ADGRL2: variants seen among roughly 807,000 people sequenced by gnomAD.
ADGRL2 encodes adhesion G protein-coupled receptor L2.
ADGRL2 carries 44 observed loss-of-function variants against 157.4 expected under a neutral mutation model. The observed-to-expected ratio is 0.28, with a 90% confidence interval of 0.22 to 0.36. ADGRL2 has a LOEUF of 0.36. Among genes scored for constraint, ADGRL2 ranks in the 10% least tolerant of loss-of-function variants. The pLI is 1.00. For synonymous variants in ADGRL2, 585 were observed against 624.7 expected (o/e 0.94, Z 0.95); for missense variants, 1,510 against 1,768.9 (o/e 0.85, Z 2.63).
At chr1:81,557,674 A>C (rs777028321) in intron 2 of ADGRL2, 2 of 152,350 alleles carry the variant, frequency 1.3e-5, no homozygotes. Flanking sequence ...CGGAGAAGTT[A>C]AGCATGCATC....
chr1:81,655,143 C>T (rs964013520), intron 3 of ADGRL2, among the ~76,000 whole-genome samples: 3 of 152,088 alleles, frequency 2.0e-5, no homozygotes, highest in East Asian at 1.9e-4. Context: ...GGACTACGGG[C>T]GCATGCCACC....
At position 81,462,297 on chromosome 1, in the gene ADGRL2, A is replaced by T. The variant is rs142793963; in HGVS notation, c.-248+17208A>T. ...CTGGCCACCCCAGCATGCAGCAGCAACCTGCTCTGCTGCCCTTCTATGTTG... is the reference window on the plus strand; with the variant it reads ...CTGGCCACCCCAGCATGCAGCAGCATCCTGCTCTGCTGCCCTTCTATGTTG... On this transcript the variant is annotated intron_variant, in intron 2 of 24. Coordinates refer to the ADGRL2 transcript ENST00000370721. Among the ~76,000 whole-genome samples the T allele has an allele frequency of 9.2e-5, 14 of 152,316 alleles. No homozygotes were observed. The East Asian group carries it at 2.7e-3, about 29-fold the overall frequency.
intron 1 of ADGRL2, among the ~76,000 whole-genome samples, chr1:81,371,687 C>T (rs557619689): frequency 3.9e-4 from 60 of 152,154 alleles, no homozygotes; most frequent in African/African-American, 1.4e-3. Flanking sequence ...TAATTGTTTA[C>T]TGGGAAATAC....
At chr1:81,371,836 C>T (rs1324820928) in intron 1 of ADGRL2, among the ~76,000 whole-genome samples, 2 of 151,864 alleles carry the variant, frequency 1.3e-5, no homozygotes, top group Non-Finnish European at 2.9e-5. Flanking sequence ...CAAATCATGT[C>T]GAGTATTATG....
In ADGRL2 at chr1:81,900,203, A is replaced by G. The variant is rs12068985; in HGVS notation, c.74-6814A>G. ...CTTAGAGGGACTTCTGAGGGTGGCA[A>G]ATTCCCTCTAAAACAAGTGTAAAAT... On this transcript the variant is annotated intron_variant, in intron 2 of 23. Coordinates refer to ENST00000686636, the MANE Select transcript of ADGRL2 (RefSeq NM_001366006.2). Among the ~76,000 whole-genome samples, 850 of 152,250 alleles carry G rather than the reference A, an allele frequency of 5.6e-3. 7 individuals are homozygous for G. The highest frequency in any genetic ancestry group is 0.019 in the African/African-American group (783 of 41,552).
At chr1:81,638,660 A>G (rs1160139328) in intron 3 of ADGRL2, among the ~76,000 whole-genome samples, 2 of 152,166 alleles carry the variant, frequency 1.3e-5, no homozygotes, top group African/African-American at 2.4e-5. Flanking sequence ...CAGCCACTGG[A>G]AAAAAACTTT....
intron 2 of ADGRL2, chr1:81,514,569 T>C (rs1290939190): frequency 6.6e-6 from 1 of 152,220 alleles, no homozygotes; most frequent in Non-Finnish European, 1.5e-5. Flanking sequence ...GCGCAGATTT[T>C]CCTTCCAAAC....
intron 2 of ADGRL2, among the ~76,000 whole-genome samples, chr1:81,763,046 T>TAA (rs748864220): frequency 0.15 from 11,143 of 73,442 alleles, 791 homozygotes; most frequent in East Asian, 0.21. Flanking sequence ...AGACTCCGTC[T>TAA]AAAAAAAAAA....
At chr1:81,480,187 G>T (rs567218475) in intron 2 of ADGRL2, among the ~76,000 whole-genome samples, 1 of 152,072 alleles carries the variant, frequency 6.6e-6, no homozygotes, top group Non-Finnish European at 1.5e-5. Flanking sequence ...TTAGGCATTC[G>T]TTTCCAGCAT....
At chr1:81,576,628 C>A (rs537690660) in intron 2 of ADGRL2, among the ~76,000 whole-genome samples, 1 of 152,026 alleles carries the variant, frequency 6.6e-6, no homozygotes, top group East Asian at 1.9e-4. Flanking sequence ...ATGTTTAGTT[C>A]GGCGCACCCA....
chr1:81,845,639 C>T (rs2092758510), intron 2 of ADGRL2, among the ~76,000 whole-genome samples: 1 of 150,878 alleles, frequency 6.6e-6, no homozygotes, highest in South Asian at 2.1e-4. Flanking sequence ...TTTTTGTACA[C>T]TGCTTTTGCC....
chr1:81,674,480 C>T lies in ADGRL2; in HGVS notation c.-142-87331C>T, dbSNP rs139362040. Among the ~76,000 whole-genome samples the T allele has an allele frequency of 2.4e-4, 37 of 152,324 alleles. No individual in the cohort carries two copies. In the East Asian group the frequency reaches 4.8e-3, roughly 20 times the overall value. ...CCATCAGCTAGTCAGGCATGTGCAC[C>T]GGTGCGCCCCCATGTCTTTTAACCA... On this transcript the variant is annotated intron_variant, in intron 3 of 24. Coordinates refer to the ADGRL2 transcript ENST00000370721.
intron 2 of ADGRL2, among the ~76,000 whole-genome samples, chr1:81,784,837 A>C (rs80112545): frequency 0.011 from 1,720 of 152,220 alleles, 32 homozygotes; most frequent in African/African-American, 0.038. Context: ...AATAGTAAAA[A>C]TGTTTCATTT....
intron 1 of ADGRL2, among the ~76,000 whole-genome samples, chr1:81,737,187 G>T (rs1473731441): frequency 6.6e-6 from 1 of 152,114 alleles, no homozygotes; most frequent in East Asian, 1.9e-4. Flanking sequence ...CTTTGTCATT[G>T]TATTAGTCCA....
intron 1 of ADGRL2, among the ~76,000 whole-genome samples, chr1:81,736,310 T>C (rs949460032): frequency 1.3e-5 from 2 of 152,104 alleles, no homozygotes; most frequent in Non-Finnish European, 2.9e-5. Flanking sequence ...CAGTGACTCT[T>C]GGAGGCAGTT....
At position 81,888,141 on chromosome 1, in the gene ADGRL2, A is replaced by G. The variant is rs683616; in HGVS notation, c.74-18876A>G. On this transcript the variant is annotated intron_variant, in intron 2 of 23. Coordinates refer to ENST00000686636, the MANE Select transcript of ADGRL2 (RefSeq NM_001366006.2). The stretch of plus-strand genomic sequence containing the variant: ...TAATGTGATTGTTGAACTCAAGTAG[A>G]GAAAAATTCAAGGTATGGAGACAAT... Among the ~76,000 whole-genome samples the G allele has an allele frequency of 8.7e-3, 1,330 of 152,320 alleles. 29 individuals are homozygous for G. The highest frequency in any genetic ancestry group is 0.03 in the African/African-American group (1,250 of 41,584).
At chr1:81,680,240 G>T (rs943717812) in intron 3 of ADGRL2, among the ~76,000 whole-genome samples, 1 of 152,156 alleles carries the variant, frequency 6.6e-6, no homozygotes, top group Non-Finnish European at 1.5e-5. Flanking sequence ...GGGCAGCTGA[G>T]TCTGTAATGA....
intron 1 of ADGRL2, among the ~76,000 whole-genome samples, chr1:81,365,073 A>T (rs1041406404): frequency 6.6e-6 from 1 of 152,170 alleles, no homozygotes; most frequent in African/African-American, 2.4e-5. Flanking sequence ...CTGAGAGCTG[A>T]CGCCCTGAGG....
At position 81,502,031 on chromosome 1, in the gene ADGRL2, C is replaced by G. The variant is rs555469082; in HGVS notation, c.-248+56942C>G. The G allele has an allele frequency of 2.3e-3, 3,638 of 1,602,522 alleles. 7 individuals carry two copies. The highest frequency in any genetic ancestry group is 2.8e-3 in the Non-Finnish European group (3,338 of 1,176,018). On this transcript the variant is annotated intron_variant, in intron 2 of 24. Transcript: ENST00000370721. The stretch of plus-strand genomic sequence containing the variant: ...CGCAGCAGTGGCCCAAGTGTTTGAA[C>G]GGGGCAACATGAACTCAGAGCCTGA...
Sources: allele counts gnomAD v4.1 joint callset (sites outside exome capture counted in the v4.1 genomes callset), GRCh38; gene constraint gnomAD v4.1.1; transcripts MANE v1.5; gene names NCBI Gene and HGNC (gene_info 2026-07-23, HGNC 2026-07-21).